Variants in CD247 observed in about 807,000 individuals in gnomAD.
CD247 encodes T-cell surface glycoprotein CD3 zeta chain.
Under a neutral mutation model 30.0 loss-of-function variants are expected in CD247, and 13 were observed. The observed-to-expected ratio is 0.43, with a 90% CI of 0.28 to 0.69. CD247 has a LOEUF of 0.69. CD247 is among the 30% of genes least tolerant of loss of function. The pLI is 0.16. For synonymous variants in CD247, 72 were observed against 80.0 expected (o/e 0.90, Z 0.53); for missense variants, 193 against 212.6 (o/e 0.91, Z 0.57).
In CD247 at chr1:167,516,036, C is replaced by T. The variant is rs147212051; in HGVS notation, c.58+2372G>A. 8.9e-4 allele frequency among the ~76,000 whole-genome samples: 136 copies of T among 152,296 alleles called. 3 individuals are homozygous for T. In the East Asian group the frequency reaches 0.019, roughly 21 times the overall value. On this transcript the variant is annotated intron_variant, in intron 1 of 7. Transcript: ENST00000362089. The stretch of plus-strand genomic sequence containing the variant: ...TGCCTAAGGTTGCACAGCTAGGAAG[C>T]GGCAGCACTGGGACACCACCTGAAA...
intron 1 of CD247, among the ~76,000 whole-genome samples, chr1:167,455,267 C>A (rs1652584970): frequency 6.6e-6 from 1 of 152,248 alleles, no homozygotes; most frequent in Non-Finnish European, 1.5e-5. Context: ...GCCGCCTCTC[C>A]GCCCTGGCCT....
intron 1 of CD247, among the ~76,000 whole-genome samples, chr1:167,507,057 C>CT (rs1197503027): frequency 2.6e-5 from 4 of 151,796 alleles, no homozygotes; most frequent in African/African-American, 9.7e-5. Context: ...CCACCATGCC[C>CT]AGCTAATTTT....
At chr1:167,486,435 C>T (rs1366221777) in intron 1 of CD247, among the ~76,000 whole-genome samples, 1 of 152,218 alleles carries the variant, frequency 6.6e-6, no homozygotes, top group African/African-American at 2.4e-5. Context: ...TCAGCTGAGA[C>T]TGTTTATGTG....
intron 1 of CD247, among the ~76,000 whole-genome samples, chr1:167,456,675 G>A (rs778358878): frequency 2.0e-5 from 3 of 152,156 alleles, no homozygotes; most frequent in Admixed American, 6.5e-5. Flanking sequence ...TGGGTTGGAT[G>A]GGTCTGGAAG....
At chr1:167,445,818 T>G (rs1039283197) in intron 1 of CD247, among the ~76,000 whole-genome samples, 4 of 152,190 alleles carry the variant, frequency 2.6e-5, no homozygotes, top group Non-Finnish European at 4.4e-5. Context: ...GCAGTCAACC[T>G]CCTTCTCCAG....
chr1:167,511,983 C>CGGCGGTCTG (rs1655406252), intron 1 of CD247, among the ~76,000 whole-genome samples: 1 of 152,122 alleles, frequency 6.6e-6, no homozygotes, highest in Non-Finnish European at 1.5e-5. Context: ...ACTCAGAGAA[C>CGGCGGTCTG]GGCGGTCTGG....
intron 1 of CD247, among the ~76,000 whole-genome samples, chr1:167,501,380 G>T (rs898680579): frequency 2.0e-5 from 3 of 152,106 alleles, no homozygotes; most frequent in Non-Finnish European, 4.4e-5. Flanking sequence ...TTAACCAGGG[G>T]TCATACATAC....
chr1:167,496,887 A>G (rs562300562), intron 1 of CD247, among the ~76,000 whole-genome samples: 1 of 152,288 alleles, frequency 6.6e-6, no homozygotes, highest in South Asian at 2.1e-4. Context: ...CCTGGAACTT[A>G]GGAATCTTTA....
intron 1 of CD247, among the ~76,000 whole-genome samples, chr1:167,464,305 C>T (rs1284618568): frequency 6.6e-6 from 1 of 152,164 alleles, no homozygotes; most frequent in African/African-American, 2.4e-5. Flanking sequence ...GGTTTTCCTG[C>T]GTTTCCAACT....
chr1:167,444,238 T>C (rs74524218), intron 1 of CD247, among the ~76,000 whole-genome samples: 3,084 of 152,332 alleles, frequency 0.02, 59 homozygotes, highest in Non-Finnish European at 0.034. Flanking sequence ...GTCTTAGCTC[T>C]TGAGGCCGCA....
intron 1 of CD247, among the ~76,000 whole-genome samples, chr1:167,490,017 C>T (rs993355770): frequency 5.3e-5 from 8 of 151,798 alleles, no homozygotes; most frequent in Admixed American, 3.9e-4. Flanking sequence ...CCCCCCACCA[C>T]CCCACCCCTT....
intron 1 of CD247, among the ~76,000 whole-genome samples, chr1:167,515,808 A>G (rs977719739): frequency 1.1e-4 from 16 of 152,252 alleles, no homozygotes; most frequent in Non-Finnish European, 4.4e-5. Flanking sequence ...AATCCCAGCC[A>G]TGGGTTTCCA....
chr1:167,452,225 C>CAAACA (rs540427688), intron 1 of CD247, among the ~76,000 whole-genome samples: 53 of 150,424 alleles, frequency 3.5e-4, no homozygotes, highest in East Asian at 2.2e-3. Flanking sequence ...AACTCCATCT[C>CAAACA]AAACAAAACA....
intron 1 of CD247, chr1:167,458,705 T>C (rs1273892079): frequency 7.0e-6 from 1 of 142,870 alleles, no homozygotes; most frequent in Non-Finnish European, 1.5e-5. Flanking sequence ...TTTTTTTTTT[T>C]TTTTTTTTTT....
chr1:167,451,116 T>C (rs777628000), intron 1 of CD247, among the ~76,000 whole-genome samples: 8 of 151,700 alleles, frequency 5.3e-5, no homozygotes, highest in Non-Finnish European at 1.0e-4. Flanking sequence ...CCAGTGTCTC[T>C]GAACTGCAAG....
rs76787851 is a variant in CD247, at chr1:167,492,265, G to A, written c.58+26143C>T. ...TGGAGCGTGCTCACAGTTGACATGTGTGAAGGACCAGGAGAGCCGGAAGAG... is the reference window on the plus strand; with the variant it reads ...TGGAGCGTGCTCACAGTTGACATGTATGAAGGACCAGGAGAGCCGGAAGAG... On this transcript the variant is annotated intron_variant, in intron 1 of 7. Transcript: ENST00000362089. Among the ~76,000 whole-genome samples the A allele has an allele frequency of 3.1e-3, 479 of 152,310 alleles. 4 individuals carry two copies. The highest frequency in any genetic ancestry group is 0.011 in the African/African-American group (450 of 41,562).
chr1:167,497,673 CT>C lies in CD247; in HGVS notation c.58+20734del, dbSNP rs1654746154. ...CTGGCACAACAGAAAAAGCACTGGG[CT>C]GAGAGTCAGTCCTGGGTTACAGAGC... On this transcript the variant is annotated intron_variant, in intron 1 of 7. Coordinates refer to ENST00000362089, the MANE Select transcript of CD247 (RefSeq NM_198053.3). 3.9e-5 allele frequency among the ~76,000 whole-genome samples: 6 copies of C among 152,286 alleles called. No individual in the cohort carries two copies. In the South Asian group the frequency reaches 1.2e-3, roughly 32 times the overall value.
chr1:167,461,776 A>T (rs943160920), intron 1 of CD247, among the ~76,000 whole-genome samples: 3 of 152,040 alleles, frequency 2.0e-5, no homozygotes, highest in Non-Finnish European at 4.4e-5. Context: ...TGAACCTGGG[A>T]GGCAGAGGTT....
Position 167,469,832 on chromosome 1 carries a change from A to G in CD247, c.59-29065T>C, listed in dbSNP as rs1272670522. On this transcript the variant is annotated intron_variant, in intron 1 of 7. Coordinates refer to ENST00000362089, the MANE Select transcript of CD247 (RefSeq NM_198053.3). Reference sequence around the variant, plus strand: ...CTCCTAGATGTCTTGGAGAGAATCAAGACTCAGGCCTTGGACCTCTTCTCT... The same window carrying G: ...CTCCTAGATGTCTTGGAGAGAATCAGGACTCAGGCCTTGGACCTCTTCTCT... 3.3e-5 allele frequency among the ~76,000 whole-genome samples: 5 copies of G among 152,146 alleles called. No homozygotes were observed. In the East Asian group the frequency reaches 5.8e-4, roughly 18 times the overall value.
Sources: allele counts gnomAD v4.1 joint callset (sites outside exome capture counted in the v4.1 genomes callset), GRCh38; gene constraint gnomAD v4.1.1; transcripts MANE v1.5; gene names NCBI Gene and HGNC (gene_info 2026-07-23, HGNC 2026-07-21).